The following PTPRT variants were observed in gnomAD, a reference collection of about 807,000 sequenced individuals.
The protein encoded by PTPRT is receptor-type tyrosine-protein phosphatase T.
PTPRT carries 56 observed loss-of-function variants against 176.8 expected under a neutral mutation model. The ratio of observed to expected loss-of-function variants is 0.32; its 90% CI spans 0.26 to 0.40. The LOEUF is 0.40. Ranked by LOEUF, PTPRT falls within the 10% of genes least tolerant of loss-of-function variation. The pLI is 1.00. For synonymous variants in PTPRT, 783 were observed against 739.0 expected (o/e 1.06, Z -0.96); for missense variants, 1,540 against 1,908.2 (o/e 0.81, Z 3.60).
intron 6 of PTPRT, among the ~76,000 whole-genome samples, chr20:42,752,261 A>G (rs781701341): frequency 1.3e-5 from 2 of 152,206 alleles, no homozygotes; most frequent in Non-Finnish European, 2.9e-5. Flanking sequence ...TTTATTTAAC[A>G]AATACCTTAG....
intron 22 of PTPRT, among the ~76,000 whole-genome samples, chr20:42,111,084 G>A (rs1339350647): frequency 6.6e-6 from 1 of 152,172 alleles, no homozygotes; most frequent in East Asian, 1.9e-4. Flanking sequence ...TGGAGACAGA[G>A]TGGGGCCTAG....
chr20:43,009,960 A>G (rs1261445071), intron 1 of PTPRT, among the ~76,000 whole-genome samples: 1 of 152,116 alleles, frequency 6.6e-6, no homozygotes, highest in Non-Finnish European at 1.5e-5. Flanking sequence ...TGTGAACTCA[A>G]CACATCCAAG....
intron 22 of PTPRT, among the ~76,000 whole-genome samples, chr20:42,114,614 G>A (rs1258271564): frequency 6.6e-6 from 1 of 152,160 alleles, no homozygotes; most frequent in East Asian, 1.9e-4. Context: ...ATTGTGGAAT[G>A]TTTATAAGCA....
chr20:42,291,940 A>G (rs1479902498), intron 12 of PTPRT, among the ~76,000 whole-genome samples: 1 of 152,120 alleles, frequency 6.6e-6, no homozygotes, highest in African/African-American at 2.4e-5. Context: ...TTACATAGAG[A>G]ATAGACTTAC....
chr20:42,922,675 C>A lies in PTPRT; in HGVS notation c.89-36743G>T, dbSNP rs114148176. ...ACACTTTTGAGTAGAATTCTATGTC[C>A]TACAGGAATCTTGATTGTGTTCCAT... On this transcript the variant is annotated intron_variant, in intron 1 of 30. Transcript: ENST00000373187. 4.9e-3 allele frequency among the ~76,000 whole-genome samples: 751 copies of A among 152,270 alleles called. 4 individuals are homozygous for A. Among genetic ancestry groups the A allele is most frequent in the African/African-American group, 0.017 (696 of 41,560 alleles).
chr20:42,180,841 C>T (rs949614213), intron 16 of PTPRT, among the ~76,000 whole-genome samples: 2 of 152,186 alleles, frequency 1.3e-5, no homozygotes, highest in African/African-American at 4.8e-5. Context: ...ATATTTCTCA[C>T]TATTCGGGAG....
intron 7 of PTPRT, among the ~76,000 whole-genome samples, chr20:42,577,272 G>C (rs1182164039): frequency 6.6e-6 from 1 of 152,172 alleles, no homozygotes; most frequent in African/African-American, 2.4e-5. Flanking sequence ...GCATTAAAAA[G>C]ATTCACTCCC....
At chr20:42,433,899 T>C (rs901095574) in intron 9 of PTPRT, among the ~76,000 whole-genome samples, 1 of 152,154 alleles carries the variant, frequency 6.6e-6, no homozygotes, top group Non-Finnish European at 1.5e-5. Flanking sequence ...AAGATCCAGT[T>C]CACTCTTATC....
At chr20:43,121,441 G>A (rs1032972666) in intron 1 of PTPRT, among the ~76,000 whole-genome samples, 3 of 152,184 alleles carry the variant, frequency 2.0e-5, no homozygotes, top group Admixed American at 6.5e-5. Flanking sequence ...TTCCAGTAGC[G>A]ATGTATGAGA....
chr20:42,756,589 G>A lies in PTPRT; in HGVS notation c.732C>T (p.Asn244=). 6.2e-7 allele frequency: 1 copy of A among 1,611,610 alleles called. No homozygotes were observed. The highest frequency in any genetic ancestry group is 8.5e-7 in the Non-Finnish European group (1 of 1,178,380). Residue 244 remains asparagine (N), a synonymous_variant, in exon 6 of 31, where the codon AAC becomes AAT. Transcript: ENST00000373187. ...DTALMVTRVV[N]HRRFSATVSV... The stretch of plus-strand genomic sequence containing the variant: ...TGACTGTGGCTGAGAAGCGCCTGTG[G>A]TTGACCACACGGGTGACCATCAGGG...
Position 43,005,910 on chromosome 20 carries a change from C to A in PTPRT, c.89-119978G>T, listed in dbSNP as rs542774229. ...CATTCTTCTAACAGCAAAAACCAGACACAACCTACAAGCCCAACAAGAGGA... is the reference window on the plus strand; with the variant it reads ...CATTCTTCTAACAGCAAAAACCAGAAACAACCTACAAGCCCAACAAGAGGA... On this transcript the variant is annotated intron_variant, in intron 1 of 30. Coordinates refer to ENST00000373187, the MANE Select transcript of PTPRT (RefSeq NM_007050.6). 2.0e-5 allele frequency among the ~76,000 whole-genome samples: 3 copies of A among 152,244 alleles called. No homozygotes were observed. In the South Asian group the frequency reaches 6.2e-4, roughly 32 times the overall value.
intron 4 of PTPRT, among the ~76,000 whole-genome samples, chr20:42,777,760 G>C (rs1359308433): frequency 6.6e-6 from 1 of 152,162 alleles, no homozygotes; most frequent in East Asian, 1.9e-4. Flanking sequence ...TGGTCCTTAG[G>C]AAAGGGACTT....
intron 6 of PTPRT, among the ~76,000 whole-genome samples, chr20:42,743,703 G>T (rs946718824): frequency 2.0e-5 from 3 of 152,130 alleles, no homozygotes; most frequent in African/African-American, 7.2e-5. Context: ...GGATCAAAAT[G>T]AGCACATGTT....
intron 7 of PTPRT, among the ~76,000 whole-genome samples, chr20:42,579,278 TG>T (rs1568991906): frequency 6.6e-6 from 1 of 152,136 alleles, no homozygotes; most frequent in East Asian, 1.9e-4. Context: ...ATGGTGTATA[TG>T]GGCCACATTT....
At chr20:42,948,112 T>C (rs1278679549) in intron 1 of PTPRT, among the ~76,000 whole-genome samples, 2 of 152,198 alleles carry the variant, frequency 1.3e-5, no homozygotes, top group Admixed American at 1.3e-4. Flanking sequence ...TGCCAATGGT[T>C]TTCCTCCTAC....
At chr20:42,562,837 C>T (rs1430112674) in intron 7 of PTPRT, among the ~76,000 whole-genome samples, 1 of 152,164 alleles carries the variant, frequency 6.6e-6, no homozygotes, top group Admixed American at 6.5e-5. Flanking sequence ...TTGAATATGC[C>T]TTATTCTCCT....
At chr20:42,666,979 C>T (rs958648450) in intron 7 of PTPRT, among the ~76,000 whole-genome samples, 1 of 152,142 alleles carries the variant, frequency 6.6e-6, no homozygotes, top group Non-Finnish European at 1.5e-5. Context: ...AAGAAGGTGC[C>T]TTTCCATTTC....
At chr20:42,791,891 T>A (rs1430254947) in intron 2 of PTPRT, among the ~76,000 whole-genome samples, 1 of 152,192 alleles carries the variant, frequency 6.6e-6, no homozygotes, top group Non-Finnish European at 1.5e-5. Context: ...TGGATCCATG[T>A]CCCTTGCCAC....
intron 2 of PTPRT, among the ~76,000 whole-genome samples, chr20:42,826,513 C>G (rs1370324447): frequency 6.6e-6 from 1 of 152,100 alleles, no homozygotes; most frequent in Non-Finnish European, 1.5e-5. Context: ...GAGACCAAAA[C>G]AAACAGGGAG....
Sources: allele counts gnomAD v4.1 joint callset (sites outside exome capture counted in the v4.1 genomes callset), GRCh38; gene constraint gnomAD v4.1.1; transcripts MANE v1.5; gene names NCBI Gene and HGNC (gene_info 2026-07-23, HGNC 2026-07-21).